The following SPSB4 variants were observed in gnomAD, a reference collection of about 807,000 sequenced individuals.
The protein encoded by SPSB4 is SPRY domain-containing SOCS box protein 4.
Under a neutral mutation model 20.9 loss-of-function variants are expected in SPSB4, and 21 were observed. The ratio of observed to expected loss-of-function variants is 1.01; its 90% CI spans 0.71 to 1.45. The LOEUF (loss-of-function observed/expected upper bound fraction) is 1.45, where lower values mean the gene tolerates loss of function less well. SPSB4 is among the 40% of genes most tolerant of loss of function. The probability of loss-of-function intolerance (pLI) is 0.00; values close to 1 mark genes in which losing one functional copy is unlikely to be tolerated. For synonymous variants in SPSB4, 207 were observed against 183.8 expected (o/e 1.13, Z -1.02); for missense variants, 399 against 399.2 (o/e 1.00, Z 0.00).
rs1349161859 is a variant in SPSB4, at chr3:141,066,077, T to G, written c.-28T>G. On this transcript the variant is annotated 5_prime_UTR_variant, in exon 2 of 3. Transcript: ENST00000310546. ...AGGCTCCCACGAGGTAGCGGTGGCC[T>G]GCAGCGGCCTCCTCCCCGCAGTGAA... 6.7e-7 allele frequency: 1 copy of G among 1,485,558 alleles called. No individual in the cohort carries two copies. Among genetic ancestry groups the G allele is most frequent in the Admixed American group, 2.5e-5 (1 of 40,638 alleles). 92.0% of individuals were successfully genotyped at this position (1,485,558 alleles called of 1,614,324 possible).
chr3:141,096,988 C>T (rs1477020144), intron 2 of SPSB4, among the ~76,000 whole-genome samples: 1 of 152,224 alleles, frequency 6.6e-6, no homozygotes, highest in African/African-American at 2.4e-5. Context: ...CTTCCTGTCT[C>T]TGATTTCCTT....
intron 1 of SPSB4, among the ~76,000 whole-genome samples, chr3:141,055,631 G>A (rs1477058741): frequency 6.6e-6 from 1 of 152,204 alleles, no homozygotes; most frequent in Non-Finnish European, 1.5e-5. Context: ...GGCAAGTTCT[G>A]AACTAGGGGA....
At chr3:141,114,774 C>G (rs72983817) in intron 2 of SPSB4, among the ~76,000 whole-genome samples, 4,018 of 152,324 alleles carry the variant, frequency 0.026, 166 homozygotes, top group African/African-American at 0.092. Flanking sequence ...TATCATTTTT[C>G]TCTACCAATA....
chr3:141,068,420 G>A (rs752243951), intron 2 of SPSB4, among the ~76,000 whole-genome samples: 1 of 152,216 alleles, frequency 6.6e-6, no homozygotes, highest in Non-Finnish European at 1.5e-5. Flanking sequence ...TCCCAGTGGT[G>A]AGAAAACCAA....
In SPSB4 at chr3:141,066,137, A is replaced by T. The variant is rs1472167518; in HGVS notation, c.33A>T (p.Ser11=). 3.9e-6 allele frequency: 6 copies of T among 1,532,636 alleles called. No individual in the cohort carries two copies. Among genetic ancestry groups the T allele is most frequent in the Non-Finnish European group, 5.3e-6 (6 of 1,142,334 alleles). The allele number at this position is 1,532,636 out of a possible 1,614,324, so 94.9% of individuals were successfully genotyped here. A position where few individuals can be genotyped will look rare whatever the true frequency, so the allele number is the denominator to read the frequency against. Reference sequence around the variant, plus strand: ...AGAAGCTCTCGGGGAGCCTCAAGTCAGTGGAGGTGCGAGAGCCGGCGCTGC... The same window carrying T: ...AGAAGCTCTCGGGGAGCCTCAAGTCTGTGGAGGTGCGAGAGCCGGCGCTGC... MGQKLSGSLK[S]VEVREPALRP... The change falls in exon 2 of 3, where the codon TCA becomes TCT. Residue 11 remains serine (S), a synonymous_variant. Coordinates refer to ENST00000310546, the MANE Select transcript of SPSB4 (RefSeq NM_080862.3).
In SPSB4 at chr3:141,109,863, G is replaced by A. The variant is rs138974433; in HGVS notation, c.695-37279G>A. Among the ~76,000 whole-genome samples, 30 of 152,288 alleles carry A rather than the reference G, an allele frequency of 2.0e-4. No homozygotes were observed. In the East Asian group the frequency reaches 5.0e-3, roughly 25 times the overall value. ...AGCAGTGCAGAGAAGAGTGTTTTAC[G>A]GCCTGTGAGAGAGCCCAGGTGCTAT... On this transcript the variant is annotated intron_variant, in intron 2 of 2. Coordinates refer to ENST00000310546, the MANE Select transcript of SPSB4 (RefSeq NM_080862.3).
chr3:141,143,107 C>A (rs867425664), intron 2 of SPSB4, among the ~76,000 whole-genome samples: 2 of 152,066 alleles, frequency 1.3e-5, no homozygotes, highest in African/African-American at 2.4e-5. Flanking sequence ...TGAGCCACCA[C>A]GCTTGGCCCC....
intron 2 of SPSB4, among the ~76,000 whole-genome samples, chr3:141,145,236 A>AG (rs1323434946): frequency 2.0e-5 from 3 of 151,800 alleles, no homozygotes; most frequent in Non-Finnish European, 2.9e-5. Flanking sequence ...AAAAAAAAAA[A>AG]AAGATAAAAA....
intron 2 of SPSB4, among the ~76,000 whole-genome samples, chr3:141,112,602 G>A (rs1439875383): frequency 3.2e-5 from 4 of 123,580 alleles, no homozygotes; most frequent in Non-Finnish European, 6.3e-5. Context: ...CCGAGATCCC[G>A]CCACTGCACT....
rs146325407 is a variant in SPSB4 at position 141,127,572 on chromosome 3, AT to A, written c.695-19560del. ...CCTTGCCATTCACTTTTTCATGTGCATTTTTTTTTTCTATCAAATCTAATTT... is the reference window on the plus strand; with the variant it reads ...CCTTGCCATTCACTTTTTCATGTGCATTTTTTTTTCTATCAAATCTAATTT... On this transcript the variant is annotated intron_variant, in intron 2 of 2. Transcript: ENST00000310546. 7.3e-3 allele frequency among the ~76,000 whole-genome samples: 1,086 copies of A among 149,260 alleles called. 15 individuals carry two copies. The highest frequency in any genetic ancestry group is 0.024 in the African/African-American group (993 of 40,954).
chr3:141,114,750 A>C (rs1366763006), intron 2 of SPSB4, among the ~76,000 whole-genome samples: 1 of 152,248 alleles, frequency 6.6e-6, no homozygotes, highest in Non-Finnish European at 1.5e-5. Context: ...AATTCAAAAA[A>C]AGTTCATTTT....
chr3:141,138,737 G>C (rs896858954), intron 2 of SPSB4, among the ~76,000 whole-genome samples: 11 of 152,154 alleles, frequency 7.2e-5, no homozygotes, highest in Admixed American at 7.2e-4. Flanking sequence ...CATTTGCTGA[G>C]GAGTGTTTTA....
At chr3:141,109,904 C>G (rs142893223) in intron 2 of SPSB4, among the ~76,000 whole-genome samples, 2 of 152,178 alleles carry the variant, frequency 1.3e-5, no homozygotes, top group African/African-American at 2.4e-5. Context: ...GCTCCTTAAT[C>G]GGTGTTGCTA....
chr3:141,123,385 G>T (rs1348312216), intron 2 of SPSB4, among the ~76,000 whole-genome samples: 1 of 152,198 alleles, frequency 6.6e-6, no homozygotes, highest in Non-Finnish European at 1.5e-5. Context: ...TTATTCCTTT[G>T]CTCTTTTCCT....
At chr3:141,113,973 G>A (rs1255382342) in intron 2 of SPSB4, among the ~76,000 whole-genome samples, 1 of 152,082 alleles carries the variant, frequency 6.6e-6, no homozygotes, top group Non-Finnish European at 1.5e-5. Context: ...CTGTGGTCCT[G>A]GCTACTTGAG....
intron 2 of SPSB4, among the ~76,000 whole-genome samples, chr3:141,075,119 A>C (rs1346969509): frequency 1.2e-5 from 1 of 82,938 alleles, no homozygotes. Context: ...GTGAGAATTC[A>C]ATGCAGTTTC....
At chr3:141,063,575 G>T (rs1036683258) in intron 1 of SPSB4, among the ~76,000 whole-genome samples, 2 of 152,148 alleles carry the variant, frequency 1.3e-5, no homozygotes, top group Non-Finnish European at 2.9e-5. Flanking sequence ...ACCATGCTAG[G>T]TGTCTCCCTT....
rs560773351 is a variant in SPSB4, at chr3:141,116,666, C to T, written c.695-30476C>T. On this transcript the variant is annotated intron_variant, in intron 2 of 2. Transcript: ENST00000310546. ...TGGCCATTCATAATAGTAACTACCT[C>T]ATTGGGTTGTTATGAGGATTAAATA... Among the ~76,000 whole-genome samples, 12 of 152,306 alleles carry T rather than the reference C, an allele frequency of 7.9e-5. No individual in the cohort carries two copies. In the South Asian group the frequency reaches 2.5e-3, roughly 32 times the overall value.
chr3:141,052,066 CG>C, intron 1 of SPSB4, 74 bp downstream of exon 1: 1 of 152,674 alleles, frequency 6.5e-6, no homozygotes, highest in Middle Eastern at 3.4e-3. Flanking sequence ...GGACTTTGTG[CG>C]GGCCAGCACT....
Sources: gnomAD v4.1 joint callset for allele counts (sites outside exome capture counted in the v4.1 genomes callset) on GRCh38, gnomAD v4.1.1 for gene constraint, MANE v1.5 for transcripts, NCBI Gene and HGNC (gene_info 2026-07-23, HGNC 2026-07-21) for gene names.